Variants in PDE10A observed in about 807,000 individuals in gnomAD.
PDE10A encodes cAMP and cAMP-inhibited cGMP 3',5'-cyclic phosphodiesterase 10A.
A neutral mutation model predicts 97.7 loss-of-function variants in PDE10A; 39 were observed. The observed-to-expected ratio is 0.40, with a 90% CI of 0.31 to 0.52. The LOEUF is 0.52. Ranked by LOEUF, PDE10A falls within the 20% of genes least tolerant of loss-of-function variation. The pLI, the probability that PDE10A is intolerant of heterozygous loss-of-function variation, is 0.56. For synonymous variants in PDE10A, 371 were observed against 376.8 expected, an observed-to-expected ratio of 0.98 and a Z score of 0.18; for missense variants, 731 against 1,047.8, an observed-to-expected ratio of 0.70 and a Z score of 4.17.
chr6:165,433,033 C>T lies in PDE10A; in HGVS notation c.1432G>A (p.Gly478Ser). The T allele has an allele frequency of 6.2e-7, 1 of 1,613,798 alleles. No individual in the cohort carries two copies. Among genetic ancestry groups the T allele is most frequent in the Non-Finnish European group, 8.5e-7 (1 of 1,179,826 alleles). Reference protein sequence around the residue: ...PIVTAIGDLIGILELYRHWGK... With the variant: ...PIVTAIGDLISILELYRHWGK... ...CAGTGCCGATACAGCTCGAGAATAC[C>T]AATCAAGTCACCAATTGCAGTGACA... is the stretch of plus-strand genomic sequence containing the variant. Residue 478 changes from glycine to serine, a missense_variant, in exon 7 of 22, where the codon GGT becomes AGT. Transcript: ENST00000539869.
intron 1 of PDE10A, among the ~76,000 whole-genome samples, chr6:165,860,102 GGTGAT>G (rs1330177650): frequency 2.0e-5 from 3 of 152,090 alleles, no homozygotes; most frequent in Non-Finnish European, 4.4e-5. Context: ...ATACTGCTTG[GGTGAT>G]GGGGGCACCA....
At chr6:165,762,383 C>T (rs1793272630) in intron 1 of PDE10A, among the ~76,000 whole-genome samples, 1 of 152,102 alleles carries the variant, frequency 6.6e-6, no homozygotes, top group South Asian at 2.1e-4. Context: ...CTAGACCAAA[C>T]CCCTAGCATT....
At chr6:165,944,563 T>G (rs1783699348) in intron 1 of PDE10A, among the ~76,000 whole-genome samples, 1 of 152,218 alleles carries the variant, frequency 6.6e-6, no homozygotes, top group African/African-American at 2.4e-5. Flanking sequence ...TGTGCTACCA[T>G]TTTTATTGGG....
chr6:165,703,040 C>T (rs6903909), intron 1 of PDE10A, among the ~76,000 whole-genome samples: 7,556 of 152,274 alleles, frequency 0.05, 322 homozygotes, highest in African/African-American at 0.11. Flanking sequence ...TTCGGCATCT[C>T]TTAGAGGTAA....
chr6:165,414,289 A>G (rs1788146175), intron 12 of PDE10A, among the ~76,000 whole-genome samples: 1 of 152,200 alleles, frequency 6.6e-6, no homozygotes, highest in Non-Finnish European at 1.5e-5. Flanking sequence ...GTGCTTATAA[A>G]TGCAAATATA....
rs1781117596 is a variant in PDE10A at position 165,327,615 on chromosome 6, T to G, written c.*5410A>C. 6.6e-6 allele frequency: 1 copy of G among 152,156 alleles called. No individual in the cohort carries two copies. 9.4% of individuals were successfully genotyped at this position (152,156 alleles called of 1,614,324 possible). A position where few individuals can be genotyped will look rare whatever the true frequency, so the allele number is the denominator to read the frequency against. On this transcript the variant is annotated 3_prime_UTR_variant, in exon 22 of 22. Coordinates refer to ENST00000539869, the MANE Select transcript of PDE10A (RefSeq NM_001385079.1). The stretch of plus-strand genomic sequence containing the variant: ...GACTGCAAATGAATACATGAAAAAA[T>G]TACACACATGTACAATATTTATAAT...
intron 1 of PDE10A, among the ~76,000 whole-genome samples, chr6:165,618,193 C>G (rs867953689): frequency 1.6e-4 from 25 of 152,138 alleles, no homozygotes; most frequent in African/African-American, 5.8e-4. Flanking sequence ...TTGCTAAAAG[C>G]TGATGCATAA....
chr6:165,720,960 A>G (rs1371646056), intron 1 of PDE10A, among the ~76,000 whole-genome samples: 1 of 152,232 alleles, frequency 6.6e-6, no homozygotes, highest in Non-Finnish European at 1.5e-5. Context: ...TGGGTTTGGA[A>G]GTCACTTTAA....
In PDE10A at chr6:165,543,557, C is replaced by A; in HGVS notation, c.877G>T (p.Glu293Ter). The change falls in exon 2 of 22, where the codon GAA becomes TAA. Residue 293 changes from glutamate (E) to a stop codon, truncating the protein, a stop_gained. Transcript: ENST00000539869. LOFTEE classifies it high-confidence loss of function. ...ECFLSPSLTDEKVKAYLSLHP... is the reference protein window; with the variant it reads ...ECFLSPSLTD Reference sequence around the variant, plus strand: ...AGAGAAAGATATGCCTTCACTTTTTCATCTGTCAAACCTGTAAAAGAATTG... The same window carrying A: ...AGAGAAAGATATGCCTTCACTTTTTAATCTGTCAAACCTGTAAAAGAATTG... 1 of 1,608,990 alleles carries A rather than the reference C, an allele frequency of 6.2e-7. No individual in the cohort carries two copies. Among genetic ancestry groups the A allele is most frequent in the South Asian group, 1.1e-5 (1 of 90,332 alleles).
Position 165,334,118 on chromosome 6 carries a change from G to A in PDE10A, c.3066-991C>T, listed in dbSNP as rs542218619. Among the ~76,000 whole-genome samples, 87 of 152,288 alleles carry A rather than the reference G, an allele frequency of 5.7e-4. 1 individual carries two copies. The highest frequency in any genetic ancestry group is 3.9e-4 in the East Asian group (2 of 5,184). On this transcript the variant is annotated intron_variant, in intron 21 of 21. Coordinates refer to ENST00000539869, the MANE Select transcript of PDE10A (RefSeq NM_001385079.1). ...ATTTTGGTATGTTTCCTTGGACACC[G>A]ATGATACATCATACGCTTTTTAAGC...
At chr6:165,890,304 AG>A (rs1471375083) in intron 1 of PDE10A, among the ~76,000 whole-genome samples, 2 of 152,108 alleles carry the variant, frequency 1.3e-5, no homozygotes, top group Non-Finnish European at 2.9e-5. Context: ...CACACCGCGG[AG>A]GAAGACAGGA....
chr6:165,825,790 C>T (rs562810759), intron 1 of PDE10A, among the ~76,000 whole-genome samples: 5 of 152,284 alleles, frequency 3.3e-5, no homozygotes, highest in African/African-American at 1.2e-4. Context: ...CTGCCCACGG[C>T]CTATGTGAAT....
intron 21 of PDE10A, among the ~76,000 whole-genome samples, chr6:165,335,038 G>A (rs906223122): frequency 6.6e-5 from 10 of 152,108 alleles, no homozygotes; most frequent in Admixed American, 1.3e-4. Flanking sequence ...AACATGGCCC[G>A]GAGCCAATTC....
chr6:165,585,484 T>C (rs1785855687), intron 1 of PDE10A, among the ~76,000 whole-genome samples: 1 of 152,130 alleles, frequency 6.6e-6, no homozygotes, highest in African/African-American at 2.4e-5. Flanking sequence ...ACACGTATCC[T>C]TAAAAGAGGG....
chr6:165,742,014 G>A (rs1792738297), intron 1 of PDE10A, among the ~76,000 whole-genome samples: 1 of 152,222 alleles, frequency 6.6e-6, no homozygotes. Context: ...TAAGCCACAT[G>A]TGTTTTGGTA....
chr6:165,340,868 C>G (rs1362935054), intron 19 of PDE10A, among the ~76,000 whole-genome samples: 1 of 152,150 alleles, frequency 6.6e-6, no homozygotes, highest in African/African-American at 2.4e-5. Flanking sequence ...TGATTTTGGT[C>G]TGTATTACAA....
chr6:165,543,176 C>T (rs1023165946), intron 2 of PDE10A, among the ~76,000 whole-genome samples: 2 of 152,174 alleles, frequency 1.3e-5, no homozygotes, highest in African/African-American at 4.8e-5. Context: ...ATACTGACTT[C>T]TGCATTTTTC....
At chr6:165,603,252 G>C (rs992270816) in intron 1 of PDE10A, among the ~76,000 whole-genome samples, 3 of 152,292 alleles carry the variant, frequency 2.0e-5, no homozygotes, top group Admixed American at 2.0e-4. Context: ...AGGAACCCCT[G>C]CAAGAGACGT....
chr6:165,530,719 A>T (rs1277993125), intron 2 of PDE10A, among the ~76,000 whole-genome samples: 1 of 152,178 alleles, frequency 6.6e-6, no homozygotes, highest in Non-Finnish European at 1.5e-5. Context: ...TTTTTGCTTC[A>T]ATTTTAAAAA....
Sources: allele counts gnomAD v4.1 joint callset (sites outside exome capture counted in the v4.1 genomes callset), GRCh38; gene constraint gnomAD v4.1.1; transcripts MANE v1.5; gene names NCBI Gene and HGNC (gene_info 2026-07-23, HGNC 2026-07-21).